The following HSPA4L variants were observed in gnomAD, a reference collection of about 807,000 sequenced individuals.
The protein encoded by HSPA4L is heat shock protein family A (Hsp70) member 4 like.
HSPA4L carries 48 observed loss-of-function variants against 100.3 expected under a neutral mutation model. The ratio of observed to expected loss-of-function variants is 0.48; its 90% CI spans 0.38 to 0.61. The LOEUF is 0.61. Ranked by LOEUF, HSPA4L falls within the 20% of genes least tolerant of loss-of-function variation. The probability of loss-of-function intolerance (pLI) is 0.00; values close to 1 mark genes in which losing one functional copy is unlikely to be tolerated. For synonymous variants in HSPA4L, 319 were observed against 328.2 expected, an observed-to-expected ratio of 0.97 and a Z score of 0.30; for missense variants, 886 against 988.6, an observed-to-expected ratio of 0.90 and a Z score of 1.39.
intron 1 of HSPA4L, among the ~76,000 whole-genome samples, chr4:127,785,030 A>G (rs546438241): frequency 6.6e-6 from 1 of 152,362 alleles, no homozygotes; most frequent in East Asian, 1.9e-4. Flanking sequence ...CGTTTCTTTC[A>G]TTAACATATT....
chr4:127,830,178 T>G (rs149128920), intron 17 of HSPA4L, among the ~76,000 whole-genome samples: 183 of 152,298 alleles, frequency 1.2e-3, no homozygotes, highest in African/African-American at 4.3e-3. Flanking sequence ...ATCTAAACCA[T>G]GACTACTTGG....
chr4:127,785,919 G>C (rs1012254874), intron 1 of HSPA4L, among the ~76,000 whole-genome samples: 1 of 152,138 alleles, frequency 6.6e-6, no homozygotes, highest in African/African-American at 2.4e-5. Flanking sequence ...TAAATTCCTA[G>C]AAGTAGAATT....
At chr4:127,830,613 A>G in intron 17 of HSPA4L, 25 bp from the exon 18 acceptor site, 2 of 1,541,288 alleles carry the variant, frequency 1.3e-6, no homozygotes, top group Non-Finnish European at 8.7e-7. Flanking sequence ...ATTAACATGC[A>G]GTCAAGCTTT....
chr4:127,805,797 A>G lies in HSPA4L; in HGVS notation c.1244+4A>G. On this transcript the variant is annotated splice_donor_region_variant and intron_variant, in intron 10 of 18. Transcript: ENST00000296464. ...CCTCTTTTGAAGATGGAAGTGGGTA[A>G]GTTATTTTTAAAACCTTGATTAGAG... 1 of 1,574,472 alleles carries G rather than the reference A, an allele frequency of 6.4e-7. No individual in the cohort carries two copies. The highest frequency in any genetic ancestry group is 8.7e-7 in the Non-Finnish European group (1 of 1,146,050).
intron 1 of HSPA4L, among the ~76,000 whole-genome samples, chr4:127,793,010 C>G (rs1189270121): frequency 6.6e-6 from 1 of 152,096 alleles, no homozygotes; most frequent in Non-Finnish European, 1.5e-5. Flanking sequence ...GGTAGAGCAG[C>G]CAAGGACTGG....
At position 127,805,169 on chromosome 4, in the gene HSPA4L, A is replaced by T. The variant is rs1733316447; in HGVS notation, c.1082A>T (p.Asp361Val). Residue 361 changes from aspartate (D) to valine (V), a missense_variant, in exon 9 of 19, where the codon GAC (aspartate) becomes GTC (valine). By Grantham distance (152) the Asp-to-Val change is radical. Coordinates refer to ENST00000296464, the MANE Select transcript of HSPA4L (RefSeq NM_014278.4). Reference sequence around the variant, plus strand: ...CAAATCACTAAATTCTTTCTTAAAGACATAAGTACCACATTAAATGCTGAT... The same window carrying T: ...CAAATCACTAAATTCTTTCTTAAAGTCATAAGTACCACATTAAATGCTGAT... ...KEQITKFFLK[D>V]ISTTLNADEA... 1 of 1,612,276 alleles carries T rather than the reference A, an allele frequency of 6.2e-7. No homozygotes were observed. The highest frequency in any genetic ancestry group is 1.3e-5 in the African/African-American group (1 of 75,002).
In HSPA4L at chr4:127,830,793, G is replaced by T. The variant is rs779898034; in HGVS notation, c.2322G>T (p.Lys774Asn). The T allele has an allele frequency of 1.3e-6, 2 of 1,581,590 alleles. No individual in the cohort carries two copies. The highest frequency in any genetic ancestry group is 2.4e-5 in the South Asian group (2 of 84,602). ...PVVKVSEIVA[K>N]SKELDNFCNP... Reference sequence around the variant, plus strand: ...TAAAAGTTTCAGAAATAGTAGCAAAGTCAAAGGTAAGAAGTTTATGAAATT... The same window carrying T: ...TAAAAGTTTCAGAAATAGTAGCAAATTCAAAGGTAAGAAGTTTATGAAATT... Residue 774 changes from lysine to asparagine, a missense_variant, in exon 18 of 19, where the codon AAG (lysine) becomes AAT (asparagine). Lys to Asn is a moderately conservative substitution (Grantham distance 94). Transcript: ENST00000296464.
intron 9 of HSPA4L, 26 bp downstream of exon 9, chr4:127,805,250 A>T: frequency 6.4e-7 from 1 of 1,562,830 alleles, no homozygotes; most frequent in Non-Finnish European, 8.7e-7. Context: ...TATTTTTTAG[A>T]ATATGTATTT....
At chr4:127,828,606 TAA>T (rs1177980987) in intron 17 of HSPA4L, among the ~76,000 whole-genome samples, 2 of 152,068 alleles carry the variant, frequency 1.3e-5, no homozygotes, top group African/African-American at 2.4e-5. Flanking sequence ...ATTTTAGAAA[TAA>T]GAGATTTTTT....
chr4:127,805,789 A>G lies in HSPA4L; in HGVS notation c.1240A>G (p.Ser414Gly). 1 of 1,592,206 alleles carries G rather than the reference A, an allele frequency of 6.3e-7. No homozygotes were observed. Among genetic ancestry groups the G allele is most frequent in the Non-Finnish European group, 8.6e-7 (1 of 1,161,758 alleles). ...LRWKTSFEDG[S>G]GECEVFCKNH... ...GTGGAAGACCTCTTTTGAAGATGGA[A>G]GTGGGTAAGTTATTTTTAAAACCTT... Residue 414 changes from serine to glycine, a missense_variant, in exon 10 of 19, where the codon AGT becomes GGT. By Grantham distance (56) the Ser-to-Gly change is moderately conservative. Transcript: ENST00000296464.
chr4:127,823,419 G>A (rs1733863429), intron 15 of HSPA4L, 98 bp from the exon 16 acceptor site: 1 of 775,964 alleles, frequency 1.3e-6, no homozygotes, highest in East Asian at 2.8e-5. Context: ...AAAGTGTTGG[G>A]ATTACAGGCA....
chr4:127,813,047 T>C, intron 12 of HSPA4L: 1 of 981,526 alleles, frequency 1.0e-6, no homozygotes, highest in South Asian at 1.3e-5. Context: ...TTGTGGGGCA[T>C]TCCTTTTTGA....
chr4:127,809,544 T>G, intron 11 of HSPA4L: 1 of 761,776 alleles, frequency 1.3e-6, no homozygotes, highest in South Asian at 1.4e-5. Flanking sequence ...CATTCAGTGC[T>G]AGATGAACTG....
chr4:127,782,344 G>T lies in HSPA4L; in HGVS notation c.-207G>T. ...CGCAGTAGGGAAAGACCCAGGCTGC[G>T]GGACGCGGTGCAGGCTGCGGCGCTG... On this transcript the variant is annotated 5_prime_UTR_variant, in exon 1 of 19. Transcript: ENST00000296464. The T allele has an allele frequency of 1.8e-6, 1 of 555,290 alleles. No individual in the cohort carries two copies. Among genetic ancestry groups the T allele is most frequent in the Non-Finnish European group, 3.2e-6 (1 of 310,858 alleles). The allele number at this position is 555,290 out of a possible 1,614,324, so 34.4% of individuals were successfully genotyped here.
Position 127,809,340 on chromosome 4 carries a change from G to A in HSPA4L, c.1378+1211G>A, listed in dbSNP as rs967903190. Reference sequence around the variant, plus strand: ...TAATAAGGACTTCTGGGATCACGCTGAGCCGCAGTATATTGCAGCCCAGCA... The same window carrying A: ...TAATAAGGACTTCTGGGATCACGCTAAGCCGCAGTATATTGCAGCCCAGCA... On this transcript the variant is annotated intron_variant, in intron 11 of 18. Transcript: ENST00000296464. 7 of 1,143,270 alleles carry A rather than the reference G, an allele frequency of 6.1e-6. No homozygotes were observed. The African/African-American group carries it at 1.1e-4, about 17-fold the overall frequency. The allele number at this position is 1,143,270 out of a possible 1,614,324, so 70.8% of individuals were successfully genotyped here. A position where few individuals can be genotyped will look rare whatever the true frequency, so the allele number is the denominator to read the frequency against.
chr4:127,790,200 C>A (rs1321790022), intron 1 of HSPA4L, among the ~76,000 whole-genome samples: 1 of 152,192 alleles, frequency 6.6e-6, no homozygotes, highest in African/African-American at 2.4e-5. Context: ...ACTGTTCTAA[C>A]AAAAATTAAA....
At chr4:127,792,258 A>G (rs1288211841) in intron 1 of HSPA4L, among the ~76,000 whole-genome samples, 1 of 152,220 alleles carries the variant, frequency 6.6e-6, no homozygotes, top group Non-Finnish European at 1.5e-5. Context: ...TGGCCTTGAT[A>G]CTATCTTATC....
At position 127,833,883 on chromosome 4, in the gene HSPA4L, C is replaced by G. The variant is rs1383322231; in HGVS notation, c.*1009C>G. The G allele has an allele frequency of 1.3e-5, 2 of 152,002 alleles. No individual in the cohort carries two copies. Among genetic ancestry groups the G allele is most frequent in the Non-Finnish European group, 2.9e-5 (2 of 67,984 alleles). The allele number at this position is 152,002 out of a possible 1,614,324, so 9.4% of individuals were successfully genotyped here. On this transcript the variant is annotated 3_prime_UTR_variant, in exon 19 of 19. Transcript: ENST00000296464. ...AATACTTGAAAAGGAGCACTTATAC[C>G]ATAAGTCTTAGGAAATAATGTTTGT... is the stretch of plus-strand genomic sequence containing the variant.
At chr4:127,828,998 T>G (rs984621545) in intron 17 of HSPA4L, among the ~76,000 whole-genome samples, 1 of 152,142 alleles carries the variant, frequency 6.6e-6, no homozygotes, top group Non-Finnish European at 1.5e-5. Flanking sequence ...TTTAATATGC[T>G]TCAATAGTGA....
Sources: allele counts gnomAD v4.1 joint callset (sites outside exome capture counted in the v4.1 genomes callset), GRCh38; gene constraint gnomAD v4.1.1; transcripts MANE v1.5; gene names NCBI Gene and HGNC (gene_info 2026-07-23, HGNC 2026-07-21).